The following COL4A2 variants were observed in gnomAD, a reference collection of about 807,000 sequenced individuals.
COL4A2 encodes the protein collagen alpha-2(IV) chain.
Under a neutral mutation model 200.2 loss-of-function variants are expected in COL4A2, and 99 were observed. The observed-to-expected ratio is 0.49, with a 90% CI of 0.42 to 0.58. The LOEUF (loss-of-function observed/expected upper bound fraction) is 0.58, where lower values mean the gene tolerates loss of function less well. Ranked by LOEUF, COL4A2 falls within the 20% of genes least tolerant of loss-of-function variation. The pLI is 0.00. For missense variants in COL4A2, 1,950 were observed against 2,314.1 expected (o/e 0.84, Z 3.23); for synonymous variants, 897 against 900.6 (o/e 1.00, Z 0.07).
intron 8 of COL4A2, 196 bp downstream of exon 8, chr13:110,430,152 C>A (rs970216341): frequency 5.7e-6 from 4 of 699,016 alleles, no homozygotes; most frequent in African/African-American, 3.7e-5. Flanking sequence ...GTGTTTATCT[C>A]TTTCCCATAT....
chr13:110,508,041 C>T lies in COL4A2; in HGVS notation c.4701C>T (p.Leu1567=). ...YASRNDKSYW[L]STTAPLPMMP... ...GCCGGAACGACAAGTCCTACTGGCTCTCTACCACTGCGCCGCTGCCCATGA... is the reference window on the plus strand; with the variant it reads ...GCCGGAACGACAAGTCCTACTGGCTTTCTACCACTGCGCCGCTGCCCATGA... The change falls in exon 47 of 48, where the codon CTC becomes CTT. Residue 1567 remains leucine, a synonymous_variant. Transcript: ENST00000360467. The surrounding 1 kb of genome is among the most constrained non-coding windows in gnomAD (Gnocchi z 6.1). 1 of 1,614,262 alleles carries T rather than the reference C, an allele frequency of 6.2e-7. No homozygotes were observed. Among genetic ancestry groups the T allele is most frequent in the Non-Finnish European group, 8.5e-7 (1 of 1,180,046 alleles).
intron 17 of COL4A2, 140 bp from the exon 18 acceptor site, chr13:110,446,658 T>C: frequency 1.5e-6 from 1 of 659,286 alleles, no homozygotes; most frequent in Non-Finnish European, 2.6e-6. Context: ...CCCCAGGCAC[T>C]GTCTGTGGTT....
Position 110,512,011 on chromosome 13 carries a change from A to T in COL4A2, c.4959A>T (p.Thr1653=). 6.2e-7 allele frequency: 1 copy of T among 1,613,524 alleles called. No individual in the cohort carries two copies. Among genetic ancestry groups the T allele is most frequent in the Non-Finnish European group, 8.5e-7 (1 of 1,180,034 alleles). ...GCTGTCTAGAGGACTTCCGCGCCAC[A>T]CCATTCATCGAATGCAATGGAGGCC... is the stretch of plus-strand genomic sequence containing the variant. The part of the protein sequence containing the change: ...PGSCLEDFRA[T]PFIECNGGRG... The change falls in exon 48 of 48, where the codon ACA becomes ACT. Residue 1653 remains threonine (T), a synonymous_variant. Coordinates refer to ENST00000360467, the MANE Select transcript of COL4A2 (RefSeq NM_001846.4).
chr13:110,337,981 A>T (rs1047369724), intron 3 of COL4A2, among the ~76,000 whole-genome samples: 1 of 152,182 alleles, frequency 6.6e-6, no homozygotes, highest in Non-Finnish European at 1.5e-5. Context: ...TTGTAGGTTA[A>T]TGAGGCCAGG....
intron 47 of COL4A2, among the ~76,000 whole-genome samples, chr13:110,511,517 T>C (rs892041383): frequency 2.0e-5 from 3 of 152,256 alleles, no homozygotes; most frequent in Non-Finnish European, 4.4e-5. Context: ...ATTTTATTTT[T>C]TTCTTCTAAA....
At chr13:110,308,697 C>T (rs1328709364) in intron 3 of COL4A2, among the ~76,000 whole-genome samples, 1 of 152,120 alleles carries the variant, frequency 6.6e-6, no homozygotes, top group African/African-American at 2.4e-5. Context: ...AAGAGCTGCT[C>T]CGGGCGCCAC....
chr13:110,361,476 C>G (rs1877510798), intron 4 of COL4A2, among the ~76,000 whole-genome samples: 1 of 152,216 alleles, frequency 6.6e-6, no homozygotes, highest in East Asian at 1.9e-4. Context: ...TCGCCACACC[C>G]CAGCACTTGG....
At chr13:110,364,722 A>G (rs191166895) in intron 4 of COL4A2, among the ~76,000 whole-genome samples, 11 of 152,228 alleles carry the variant, frequency 7.2e-5, no homozygotes, top group Admixed American at 3.9e-4. Flanking sequence ...AGGATTTACT[A>G]TCTAGAATAG....
At chr13:110,474,921 C>T (rs774194546) in intron 29 of COL4A2, among the ~76,000 whole-genome samples, 12 of 53,880 alleles carry the variant, frequency 2.2e-4, no homozygotes, top group East Asian at 2.2e-3. Context: ...CACACACATG[C>T]ACATACCCAC....
At chr13:110,356,653 C>T (rs553113340) in intron 3 of COL4A2, among the ~76,000 whole-genome samples, 38 of 152,360 alleles carry the variant, frequency 2.5e-4, no homozygotes, top group Non-Finnish European at 4.6e-4. Context: ...GTTTCTCATG[C>T]ATGCCACAGG....
At chr13:110,461,326 T>G (rs1352045748) in intron 22 of COL4A2, among the ~76,000 whole-genome samples, 1 of 152,206 alleles carries the variant, frequency 6.6e-6, no homozygotes, top group Non-Finnish European at 1.5e-5. Flanking sequence ...AATTCAGTGC[T>G]TCTCAAAAGG....
At chr13:110,347,540 C>T (rs138402641) in intron 3 of COL4A2, among the ~76,000 whole-genome samples, 72 of 152,352 alleles carry the variant, frequency 4.7e-4, no homozygotes, top group African/African-American at 1.7e-3. Flanking sequence ...GCAGTTCCTA[C>T]CTGGGGCCCT....
chr13:110,483,230 A>G (rs1882995335), intron 32 of COL4A2, among the ~76,000 whole-genome samples: 1 of 152,202 alleles, frequency 6.6e-6, no homozygotes, highest in African/African-American at 2.4e-5. Context: ...AAATAATCAC[A>G]GTGGTCTCTA....
intron 4 of COL4A2, among the ~76,000 whole-genome samples, chr13:110,372,424 A>G (rs1482784074): frequency 6.6e-6 from 1 of 152,226 alleles, no homozygotes; most frequent in Non-Finnish European, 1.5e-5. Flanking sequence ...TGGGGAAATG[A>G]GAAGTGTCAT....
chr13:110,446,823 CT>C lies in COL4A2; in HGVS notation c.1038del (p.Gly347AspfsTer11). 6.2e-7 allele frequency: 1 copy of C among 1,612,944 alleles called. No homozygotes were observed. The highest frequency in any genetic ancestry group is 8.5e-7 in the Non-Finnish European group (1 of 1,179,052). ...PKGEAGDPGP[P>X]GLPAYSPHPS... ...GGAGAAGCCGGAGACCCAGGGCCCC[CT>C]GGACTACCTGCCTACTCCCCTCACC... On this transcript the variant is annotated frameshift_variant, in exon 18 of 48. Transcript: ENST00000360467. LOFTEE classifies it high-confidence loss of function.
chr13:110,473,277 C>T, intron 29 of COL4A2, 127 bp downstream of exon 29: 1 of 802,578 alleles, frequency 1.2e-6, no homozygotes, highest in South Asian at 1.8e-5. Context: ...CCATGCGTAC[C>T]TTCTCCCATG....
chr13:110,436,386 T>C lies in COL4A2; in HGVS notation c.825+19T>C, dbSNP rs773149591. 3.7e-6 allele frequency: 6 copies of C among 1,605,788 alleles called. No individual in the cohort carries two copies. Among genetic ancestry groups the C allele is most frequent in the South Asian group, 1.1e-5 (1 of 89,262 alleles). ...GTACAAGGTAAAGAGCAAAATTGAC[T>C]CTTTTCATAGTTGAAATAAAAAAAG... On this transcript the variant is annotated intron_variant, in intron 13 of 47. Coordinates refer to ENST00000360467, the MANE Select transcript of COL4A2 (RefSeq NM_001846.4).
At chr13:110,341,977 C>T (rs570977146) in intron 3 of COL4A2, among the ~76,000 whole-genome samples, 1 of 152,326 alleles carries the variant, frequency 6.6e-6, no homozygotes, top group Admixed American at 6.5e-5. Context: ...AGGAGGACTA[C>T]AAGCCTTGTT....
chr13:110,441,154 A>G (rs1231377056), intron 16 of COL4A2, among the ~76,000 whole-genome samples: 1 of 152,164 alleles, frequency 6.6e-6, no homozygotes, highest in Non-Finnish European at 1.5e-5. Flanking sequence ...TTTTATCAAA[A>G]TCACTAGCCT....
Sources: gnomAD v4.1 joint callset for allele counts (sites outside exome capture counted in the v4.1 genomes callset) on GRCh38, gnomAD v4.1.1 for gene constraint, Gnocchi (gnomAD v3.1) non-coding constraint, MANE v1.5 for transcripts, NCBI Gene and HGNC (gene_info 2026-07-23, HGNC 2026-07-21) for gene names.